INSYN2B: variants seen among roughly 807,000 people sequenced by gnomAD.
INSYN2B encodes protein INSYN2B.
In INSYN2B, 16 loss-of-function variants were observed where a neutral mutation model predicts 41.2. That is an observed-to-expected ratio of 0.39 (90% confidence interval 0.26 to 0.59). The LOEUF is 0.59. INSYN2B is among the 20% of genes least tolerant of loss of function. The probability of loss-of-function intolerance (pLI) is 0.57; values close to 1 mark genes in which losing one functional copy is unlikely to be tolerated. For missense variants in INSYN2B, 608 were observed against 646.4 expected (o/e 0.94, Z 0.64); for synonymous variants, 245 against 244.4 (o/e 1.00, Z -0.02).
intron 1 of INSYN2B, among the ~76,000 whole-genome samples, chr5:169,969,164 G>T (rs1229926985): frequency 6.6e-6 from 1 of 151,882 alleles, no homozygotes; most frequent in African/African-American, 2.4e-5. Flanking sequence ...AGAAAAAATG[G>T]CCGGGGGTGG....
At chr5:169,881,264 GTTTTTGCCTCTCTTGAC>G (rs2113500465) in intron 3 of INSYN2B, 87 bp downstream of exon 3, 1 of 905,792 alleles carries the variant, frequency 1.1e-6, no homozygotes, top group South Asian at 1.5e-5. Flanking sequence ...TAAATACCTT[GTTTTTGCCTCTCTTGAC>G]TTTTTGCATT....
At chr5:169,938,363 A>G (rs1345857830) in intron 1 of INSYN2B, among the ~76,000 whole-genome samples, 4 of 152,184 alleles carry the variant, frequency 2.6e-5, no homozygotes, top group Non-Finnish European at 5.9e-5. Flanking sequence ...TGTGAACATC[A>G]GAGTGTACTC....
chr5:169,871,802 G>A (rs778021176), intron 3 of INSYN2B, among the ~76,000 whole-genome samples: 9 of 152,290 alleles, frequency 5.9e-5, no homozygotes, highest in East Asian at 3.9e-4. Context: ...CATGGGGGAC[G>A]CTTTATGGAC....
At chr5:169,892,349 A>G (rs376691911) in intron 1 of INSYN2B, among the ~76,000 whole-genome samples, 13 of 152,262 alleles carry the variant, frequency 8.5e-5, no homozygotes, top group African/African-American at 3.1e-4. Flanking sequence ...CTACACCCGC[A>G]CAGCTTCTAG....
At position 169,881,383 on chromosome 5, in the gene INSYN2B, G is replaced by A. The variant is rs1007385681; in HGVS notation, c.1406C>T (p.Ala469Val). 6.4e-7 allele frequency: 1 copy of A among 1,551,456 alleles called. No individual in the cohort carries two copies. Among genetic ancestry groups the A allele is most frequent in the Non-Finnish European group, 8.7e-7 (1 of 1,146,814 alleles). The change falls in exon 3 of 4, where the codon GCG becomes GTG. Residue 469 changes from alanine to valine, a missense_variant. Ala to Val is a moderately conservative substitution (Grantham distance 64). Transcript: ENST00000377365. ...GGCCAGGTACCTGTATATGATGCAC[G>A]CCGTGTTCTGGCAGGTACTGCAATT... ...LNNCSTCQNT[A>V]CIIYSVEYDF...
chr5:169,901,342 G>A (rs1275405631), intron 1 of INSYN2B, among the ~76,000 whole-genome samples: 3 of 152,162 alleles, frequency 2.0e-5, no homozygotes, highest in Non-Finnish European at 4.4e-5. Flanking sequence ...CAGGAGTGAT[G>A]ATATTGGTCC....
chr5:169,925,738 G>C (rs1775414111), intron 1 of INSYN2B, among the ~76,000 whole-genome samples: 1 of 149,980 alleles, frequency 6.7e-6, no homozygotes, highest in Admixed American at 6.6e-5. Context: ...TTGTGTGTTG[G>C]GAGCATTAAA....
At chr5:169,878,241 A>G (rs1239434935) in intron 3 of INSYN2B, among the ~76,000 whole-genome samples, 1 of 152,164 alleles carries the variant, frequency 6.6e-6, no homozygotes, top group Non-Finnish European at 1.5e-5. Context: ...TTAGGGCACC[A>G]TTTCCCAAAC....
At position 169,862,580 on chromosome 5, in the gene INSYN2B, G is replaced by A. The variant is rs1383652607; in HGVS notation, c.*1693C>T. Among the ~76,000 whole-genome samples, 2 of 152,178 alleles carry A rather than the reference G, an allele frequency of 1.3e-5. No homozygotes were observed. The highest frequency in any genetic ancestry group is 2.9e-5 in the Non-Finnish European group (2 of 68,036). On this transcript the variant is annotated 3_prime_UTR_variant, in exon 4 of 4. Transcript: ENST00000377365. ...ATGTGGCTTCTTAAGTATGACAAGT[G>A]TATTTATCTTAATTCTAACATGACG...
intron 1 of INSYN2B, among the ~76,000 whole-genome samples, chr5:169,950,620 G>A (rs963969768): frequency 3.3e-5 from 5 of 152,194 alleles, no homozygotes; most frequent in Non-Finnish European, 5.9e-5. Context: ...GATTTTCTAT[G>A]TGACAGGAGG....
At chr5:169,945,189 G>C (rs259914) in intron 1 of INSYN2B, among the ~76,000 whole-genome samples, 116,482 of 152,286 alleles carry the variant, frequency 0.76, 45,529 homozygotes, top group African/African-American at 0.94. Flanking sequence ...CAGGCTGGTT[G>C]TGCTGCAGCT....
chr5:169,932,293 A>G (rs927348051), intron 1 of INSYN2B, among the ~76,000 whole-genome samples: 1 of 152,202 alleles, frequency 6.6e-6, no homozygotes, highest in African/African-American at 2.4e-5. Flanking sequence ...ACACTCACTC[A>G]TATGAAGGGA....
intron 1 of INSYN2B, among the ~76,000 whole-genome samples, chr5:169,956,461 A>G (rs1260821926): frequency 1.3e-5 from 2 of 152,242 alleles, no homozygotes; most frequent in African/African-American, 4.8e-5. Context: ...TTTAAGCACA[A>G]CAGGTTGGAT....
chr5:169,952,437 G>A lies in INSYN2B; in HGVS notation c.-919+27840C>T, dbSNP rs534879635. Among the ~76,000 whole-genome samples, 16 of 152,156 alleles carry A rather than the reference G, an allele frequency of 1.1e-4. No individual in the cohort carries two copies. The South Asian group carries it at 3.1e-3, about 30-fold the overall frequency. ...CCCCTTTAAGTAAAGGACAAACAGA[G>A]AAGTAGCACTGAGTCAGATTTTTGC... is the stretch of plus-strand genomic sequence containing the variant. On this transcript the variant is annotated intron_variant, in intron 1 of 3. Coordinates refer to ENST00000377365, the MANE Select transcript of INSYN2B (RefSeq NM_001129891.3).
intron 1 of INSYN2B, among the ~76,000 whole-genome samples, chr5:169,915,959 T>C (rs564375702): frequency 6.6e-6 from 1 of 152,330 alleles, no homozygotes; most frequent in South Asian, 2.1e-4. Flanking sequence ...TGCTGAATTC[T>C]GTAAGATGAT....
At chr5:169,877,663 A>G (rs948877453) in intron 3 of INSYN2B, among the ~76,000 whole-genome samples, 1 of 152,174 alleles carries the variant, frequency 6.6e-6, no homozygotes, top group Admixed American at 6.5e-5. Context: ...TTTTAGATAG[A>G]TAGATAGATA....
intron 1 of INSYN2B, among the ~76,000 whole-genome samples, chr5:169,902,303 G>A (rs1010740344): frequency 2.0e-5 from 3 of 152,192 alleles, no homozygotes; most frequent in Non-Finnish European, 2.9e-5. Flanking sequence ...GACTGTGGAC[G>A]AGGCCATCTT....
intron 3 of INSYN2B, among the ~76,000 whole-genome samples, chr5:169,873,635 A>G (rs1048179710): frequency 5.3e-5 from 8 of 152,220 alleles, no homozygotes; most frequent in African/African-American, 1.7e-4. Flanking sequence ...AAGCAGATGA[A>G]AGGAAAATAC....
chr5:169,979,740 C>T (rs886426882), intron 1 of INSYN2B, among the ~76,000 whole-genome samples: 7 of 152,154 alleles, frequency 4.6e-5, no homozygotes, highest in African/African-American at 1.4e-4. Flanking sequence ...CCAAAAGGCA[C>T]GCAACCGGGT....
Sources: allele counts gnomAD v4.1 joint callset (sites outside exome capture counted in the v4.1 genomes callset), GRCh38; gene constraint gnomAD v4.1.1; transcripts MANE v1.5; gene names NCBI Gene and HGNC (gene_info 2026-07-23, HGNC 2026-07-21).